HMGN3: variants seen among roughly 807,000 people sequenced by gnomAD.
HMGN3 encodes the protein high mobility group nucleosomal binding domain 3.
HMGN3 carries 6 observed loss-of-function variants against 18.8 expected under a neutral mutation model. The ratio of observed to expected loss-of-function variants is 0.32; its 90% CI spans 0.18 to 0.63. HMGN3 has a LOEUF of 0.63. Ranked by LOEUF, HMGN3 falls within the 30% of genes least tolerant of loss-of-function variation. The pLI is 0.79. For synonymous variants in HMGN3, 40 were observed against 36.5 expected, an observed-to-expected ratio of 1.10 and a Z score of -0.35; for missense variants, 107 against 114.2, an observed-to-expected ratio of 0.94 and a Z score of 0.29.
chr6:79,218,629 T>C (rs1344185635), intron 1 of HMGN3, among the ~76,000 whole-genome samples: 2 of 151,998 alleles, frequency 1.3e-5, no homozygotes. Context: ...GCATAACAAA[T>C]GATAACTGCA....
At chr6:79,231,817 C>T (rs1232495112) in intron 1 of HMGN3, among the ~76,000 whole-genome samples, 1 of 152,188 alleles carries the variant, frequency 6.6e-6, no homozygotes, top group Non-Finnish European at 1.5e-5. Flanking sequence ...TATAACTACA[C>T]ATTCTGGAAC....
At chr6:79,232,500 C>T (rs910666887) in intron 1 of HMGN3, among the ~76,000 whole-genome samples, 3 of 152,146 alleles carry the variant, frequency 2.0e-5, no homozygotes, top group African/African-American at 7.2e-5. Flanking sequence ...TGCCTGTACA[C>T]AGTTTTGCCC....
intron 1 of HMGN3, among the ~76,000 whole-genome samples, chr6:79,215,309 T>C (rs1018880483): frequency 6.6e-6 from 1 of 152,214 alleles, no homozygotes; most frequent in African/African-American, 2.4e-5. Context: ...CATTTATCTT[T>C]GATGATTCCA....
chr6:79,217,266 C>A (rs960286759), intron 1 of HMGN3, among the ~76,000 whole-genome samples: 11 of 152,212 alleles, frequency 7.2e-5, no homozygotes, highest in African/African-American at 1.2e-4. Context: ...CAGGAACAAT[C>A]AATCTTTACC....
At chr6:79,227,611 A>C (rs1777625378) in intron 1 of HMGN3, among the ~76,000 whole-genome samples, 1 of 152,214 alleles carries the variant, frequency 6.6e-6, no homozygotes, top group Non-Finnish European at 1.5e-5. Flanking sequence ...ATAATCAACG[A>C]AACAGAGCAT....
intron 2 of HMGN3, among the ~76,000 whole-genome samples, chr6:79,212,989 T>A (rs1202084793): frequency 6.6e-6 from 1 of 151,998 alleles, no homozygotes; most frequent in Non-Finnish European, 1.5e-5. Flanking sequence ...GAGCCTTATC[T>A]AGAAACCATT....
chr6:79,202,396 G>C lies in HMGN3; in HGVS notation c.148-7C>G, dbSNP rs376171956. 13 of 1,600,074 alleles carry C rather than the reference G, an allele frequency of 8.1e-6. No homozygotes were observed. The highest frequency in any genetic ancestry group is 4.0e-5 in the African/African-American group (3 of 74,600). ...TCTTTGCTCCAGGTTCTTTCTAACA[G>C]AGGATCAAAGCACAGTGAAAGAGAA... On this transcript the variant is annotated splice_polypyrimidine_tract_variant and splice_region_variant and intron_variant, in intron 4 of 5. Transcript: ENST00000344726.
intron 1 of HMGN3, among the ~76,000 whole-genome samples, chr6:79,231,815 C>T (rs1481464923): frequency 6.6e-6 from 1 of 152,186 alleles, no homozygotes; most frequent in Non-Finnish European, 1.5e-5. Flanking sequence ...TCTATAACTA[C>T]ACATTCTGGA....
chr6:79,229,741 AGTGGC>A (rs1378529474), intron 1 of HMGN3, among the ~76,000 whole-genome samples: 3 of 151,922 alleles, frequency 2.0e-5, no homozygotes, highest in African/African-American at 7.2e-5. Flanking sequence ...AGCCGGGCGT[AGTGGC>A]GGGCGCCTGT....
At chr6:79,201,716 G>C in exon 6 of HMGN3, 1 of 1,604,570 alleles carries the variant, frequency 6.2e-7, no homozygotes, top group Non-Finnish European at 8.5e-7. Flanking sequence ...TACAGATTCA[G>C]TTTTCTGTGC....
At chr6:79,209,515 G>A (rs1403329977) in intron 2 of HMGN3, among the ~76,000 whole-genome samples, 1 of 152,088 alleles carries the variant, frequency 6.6e-6, no homozygotes, top group Non-Finnish European at 1.5e-5. Context: ...TAGGGTACTG[G>A]CCAACATATA....
chr6:79,202,003 C>T, intron 5 of HMGN3, 60 bp downstream of exon 6: 1 of 1,493,168 alleles, frequency 6.7e-7, no homozygotes, highest in Non-Finnish European at 8.8e-7. Context: ...AAAAAACCAC[C>T]ACACTACTAT....
intron 5 of HMGN3, 125 bp from the exon 7 acceptor site, chr6:79,201,851 G>A (rs1776153623): frequency 1.4e-6 from 2 of 1,462,784 alleles, no homozygotes; most frequent in Non-Finnish European, 1.8e-6. Flanking sequence ...CAGCTTTACT[G>A]CAAAACCTAT....
intron 3 of HMGN3, among the ~76,000 whole-genome samples, chr6:79,205,494 A>G (rs997568251): frequency 6.6e-5 from 10 of 152,212 alleles, no homozygotes; most frequent in African/African-American, 2.2e-4. Context: ...CCATCCACGT[A>G]AGACATAATT....
intron 1 of HMGN3, among the ~76,000 whole-genome samples, chr6:79,217,108 C>A (rs1020725730): frequency 6.6e-6 from 1 of 152,152 alleles, no homozygotes; most frequent in East Asian, 1.9e-4. Flanking sequence ...TGGAAAGGCA[C>A]TGCATGAAAA....
chr6:79,203,154 A>G (rs1015119182), intron 4 of HMGN3, among the ~76,000 whole-genome samples: 1 of 152,184 alleles, frequency 6.6e-6, no homozygotes, highest in Non-Finnish European at 1.5e-5. Context: ...ATAAATGCCA[A>G]TATTACCTGC....
intron 1 of HMGN3, among the ~76,000 whole-genome samples, chr6:79,228,645 G>GA (rs772373323): frequency 2.0e-5 from 3 of 152,186 alleles, no homozygotes; most frequent in South Asian, 2.1e-4. Flanking sequence ...ACAATTTTGG[G>GA]AAAAAATAAC....
In HMGN3 at chr6:79,202,355, T is replaced by G. The variant is rs1776183309; in HGVS notation, c.182A>C (p.Lys61Thr). The G allele has an allele frequency of 1.9e-6, 3 of 1,613,970 alleles. No homozygotes were observed. In the Admixed American group the frequency reaches 5.0e-5, roughly 27 times the overall value. Residue 61 changes from lysine (K) to threonine (T), a missense_variant, in exon 5 of 6, where the codon AAA (lysine) becomes ACA (threonine). Lys to Thr is a moderately conservative substitution (Grantham distance 78). Coordinates refer to ENST00000344726, the Ensembl canonical transcript of HMGN3. ...TTCCTGCTTTTCCTCCTTCTTCCCT[T>G]TAGCACCTCTGCTAATCTTTGCTCC...
intron 2 of HMGN3, among the ~76,000 whole-genome samples, chr6:79,209,945 AG>A (rs1447948783): frequency 6.6e-6 from 1 of 152,230 alleles, no homozygotes; most frequent in East Asian, 1.9e-4. Flanking sequence ...TGAGAATGAA[AG>A]GCTGTGCAGG....
Sources: allele counts gnomAD v4.1 joint callset (sites outside exome capture counted in the v4.1 genomes callset), GRCh38; gene constraint gnomAD v4.1.1; transcripts MANE v1.5; gene names NCBI Gene and HGNC (gene_info 2026-07-23, HGNC 2026-07-21).